The following RBPMS variants were observed in gnomAD, a reference collection of about 807,000 sequenced individuals.
RBPMS encodes RNA-binding protein with multiple splicing.
Under a neutral mutation model 26.8 loss-of-function variants are expected in RBPMS, and 7 were observed. That is an observed-to-expected ratio of 0.26 (90% CI 0.15 to 0.49). The LOEUF is 0.49. Among genes scored for constraint, RBPMS ranks in the 20% least tolerant of loss-of-function variants. RBPMS has a pLI of 0.98. For missense variants in RBPMS, 186 were observed against 250.0 expected (o/e 0.74, Z 1.73); for synonymous variants, 96 against 93.3 (o/e 1.03, Z -0.17).
rs369442584 is a variant in RBPMS at position 30,409,488 on chromosome 8, C to T, written c.66+24330C>T. Among the ~76,000 whole-genome samples the T allele has an allele frequency of 9.2e-5, 14 of 152,162 alleles. No homozygotes were observed. In the South Asian group the frequency reaches 1.0e-3, roughly 11 times the overall value. On this transcript the variant is annotated intron_variant, in intron 1 of 8. Transcript: ENST00000397323. ...GATTACAGGTGTGAGCCACCACGCC[C>T]GGCCTAGAGTGTTTTCTTTAATCTT...
intron 1 of RBPMS, among the ~76,000 whole-genome samples, chr8:30,391,867 G>C (rs1807828010): frequency 6.6e-6 from 1 of 152,070 alleles, no homozygotes; most frequent in Non-Finnish European, 1.5e-5. Flanking sequence ...TTAGCCTGCA[G>C]AATTGTCAGA....
intron 4 of RBPMS, among the ~76,000 whole-genome samples, chr8:30,492,997 T>C (rs1189787148): frequency 6.6e-6 from 1 of 152,212 alleles, no homozygotes; most frequent in East Asian, 1.9e-4. Flanking sequence ...AAATTTTTGA[T>C]GTGACACCCA....
chr8:30,506,655 G>A (rs189845941), intron 5 of RBPMS, among the ~76,000 whole-genome samples: 2 of 152,332 alleles, frequency 1.3e-5, no homozygotes, highest in Non-Finnish European at 2.9e-5. Context: ...CTTATCAGGT[G>A]TAGAATATAA....
intron 1 of RBPMS, among the ~76,000 whole-genome samples, chr8:30,423,937 A>G (rs1476270237): frequency 1.3e-5 from 2 of 151,926 alleles, no homozygotes; most frequent in Non-Finnish European, 2.9e-5. Context: ...TCCCGGGTTC[A>G]AGCCATTCTC....
At chr8:30,414,813 T>C (rs896211053) in intron 1 of RBPMS, among the ~76,000 whole-genome samples, 1 of 152,210 alleles carries the variant, frequency 6.6e-6, no homozygotes, top group Admixed American at 6.5e-5. Context: ...AGGTTACATT[T>C]TGGATTTTTC....
rs572140331 is a variant in RBPMS, at chr8:30,532,318, G to A, written c.398-12176G>A. Among the ~76,000 whole-genome samples, 16 of 152,224 alleles carry A rather than the reference G, an allele frequency of 1.1e-4. No individual in the cohort carries two copies. The South Asian group carries it at 2.9e-3, about 28-fold the overall frequency. ...TCTGATGAATCAAGGGATTGTTTTT[G>A]TACTGAGGATGGATTTCCTATAGCA... On this transcript the variant is annotated intron_variant, in intron 5 of 8. Transcript: ENST00000397323.
intron 5 of RBPMS, among the ~76,000 whole-genome samples, chr8:30,509,959 C>T (rs1320852143): frequency 1.3e-5 from 2 of 152,178 alleles, no homozygotes; most frequent in African/African-American, 2.4e-5. Flanking sequence ...TCCTTACACA[C>T]CTTTTAATAT....
At chr8:30,441,657 G>A (rs1055183678) in intron 1 of RBPMS, among the ~76,000 whole-genome samples, 7 of 151,684 alleles carry the variant, frequency 4.6e-5, no homozygotes, top group Admixed American at 3.3e-4. Context: ...TGTTACAGAC[G>A]CTGGGTAGTA....
intron 1 of RBPMS, among the ~76,000 whole-genome samples, chr8:30,421,164 T>TGA (rs376542372): frequency 6.6e-6 from 1 of 151,142 alleles, no homozygotes; most frequent in Non-Finnish European, 1.5e-5. Context: ...TGTGTGTGTG[T>TGA]GAGAGAGAGT....
rs55914538 is a variant in RBPMS at position 30,395,461 on chromosome 8, C to CAAAAAA, written c.66+10325_66+10330dup. Among the ~76,000 whole-genome samples, 17 of 43,800 alleles carry CAAAAAA rather than the reference C, an allele frequency of 3.9e-4. 1 individual carries two copies. Among genetic ancestry groups the CAAAAAA allele is most frequent in the African/African-American group, 2.8e-3 (16 of 5,644 alleles). The allele number at this position is 43,800 out of a possible 152,430, so 28.7% of individuals were successfully genotyped here. A position where few individuals can be genotyped will look rare whatever the true frequency, so the allele number is the denominator to read the frequency against. On this transcript the variant is annotated intron_variant, in intron 1 of 8. Coordinates refer to ENST00000397323, the MANE Select transcript of RBPMS (RefSeq NM_001008710.3). ...GCCTGGACAGAGTGAGACTCTGTCTCAAAAAAAAAAAAAAAAAAAAAAAAA... is the reference window on the plus strand; with the variant it reads ...GCCTGGACAGAGTGAGACTCTGTCTCAAAAAAAAAAAAAAAAAAAAAAAAAAAAAAA...
intron 1 of RBPMS, among the ~76,000 whole-genome samples, chr8:30,455,508 G>T (rs916492634): frequency 6.6e-6 from 1 of 152,208 alleles, no homozygotes; most frequent in Non-Finnish European, 1.5e-5. Flanking sequence ...AATTGGGGCA[G>T]TGGGGAAAGC....
At chr8:30,497,829 A>G (rs1820143926) in intron 4 of RBPMS, among the ~76,000 whole-genome samples, 2 of 151,702 alleles carry the variant, frequency 1.3e-5, no homozygotes, top group Non-Finnish European at 2.9e-5. Context: ...TCACCATGTT[A>G]GCCAGGTTGG....
intron 4 of RBPMS, among the ~76,000 whole-genome samples, chr8:30,488,815 G>C (rs959850509): frequency 6.6e-6 from 1 of 152,082 alleles, no homozygotes; most frequent in Non-Finnish European, 1.5e-5. Flanking sequence ...CCTGTAAAAA[G>C]GTACTAAATT....
intron 5 of RBPMS, among the ~76,000 whole-genome samples, chr8:30,513,155 G>A (rs1193132151): frequency 6.6e-6 from 1 of 152,078 alleles, no homozygotes; most frequent in East Asian, 1.9e-4. Flanking sequence ...TCTTGGGGCA[G>A]CAGAGCCCTA....
intron 5 of RBPMS, among the ~76,000 whole-genome samples, chr8:30,543,526 T>G (rs1404100588): frequency 6.6e-6 from 1 of 152,240 alleles, no homozygotes; most frequent in Non-Finnish European, 1.5e-5. Flanking sequence ...TAGTCCTGGA[T>G]AGCGTCCTTG....
intron 5 of RBPMS, among the ~76,000 whole-genome samples, chr8:30,525,134 G>A (rs2915625): frequency 0.19 from 29,121 of 152,094 alleles, 3,137 homozygotes; most frequent in South Asian, 0.39. Context: ...GATTAGCAAA[G>A]TTTTTAATGT....
rs74674358 is a variant in RBPMS, at chr8:30,449,870, C to T, written c.67-24909C>T. ...TTTTCCATTATTTTATAAAGACCTCCTTCAGGGCCAGATTCTACAGTTTTA... is the reference window on the plus strand; with the variant it reads ...TTTTCCATTATTTTATAAAGACCTCTTTCAGGGCCAGATTCTACAGTTTTA... On this transcript the variant is annotated intron_variant, in intron 1 of 8. Coordinates refer to ENST00000397323, the MANE Select transcript of RBPMS (RefSeq NM_001008710.3). Among the ~76,000 whole-genome samples, 1,090 of 152,318 alleles carry T rather than the reference C, an allele frequency of 7.2e-3. 18 individuals carry two copies. The highest frequency in any genetic ancestry group is 0.025 in the African/African-American group (1,028 of 41,570).
At position 30,474,262 on chromosome 8, in the gene RBPMS, G is replaced by A. The variant is rs371873502; in HGVS notation, c.67-517G>A. On this transcript the variant is annotated intron_variant, in intron 1 of 8. Transcript: ENST00000397323. ...AAGTTATTGTAATTAATGCCTATGA[G>A]GAAAGCAGCAACAAAACAAGCAGGA... 7.1e-4 allele frequency among the ~76,000 whole-genome samples: 108 copies of A among 152,138 alleles called. 1 individual carries two copies. Among genetic ancestry groups the A allele is most frequent in the African/African-American group, 2.5e-3 (103 of 41,486 alleles).
At chr8:30,499,615 T>A (rs1820342562) in intron 4 of RBPMS, among the ~76,000 whole-genome samples, 2 of 151,746 alleles carry the variant, frequency 1.3e-5, no homozygotes, top group South Asian at 2.1e-4. Flanking sequence ...AAAAAAAAAA[T>A]TAGATAAACC....
Sources: gnomAD v4.1 joint callset for allele counts (sites outside exome capture counted in the v4.1 genomes callset) on GRCh38, gnomAD v4.1.1 for gene constraint, MANE v1.5 for transcripts, NCBI Gene and HGNC (gene_info 2026-07-23, HGNC 2026-07-21) for gene names.